Variants in GABPA observed in about 807,000 individuals in gnomAD.
The protein encoded by GABPA is GA binding protein transcription factor subunit alpha, also known as GA-binding protein alpha chain.
A neutral mutation model predicts 59.4 loss-of-function variants in GABPA; 4 were observed. That is an observed-to-expected ratio of 0.07 (90% CI 0.03 to 0.15). The LOEUF is 0.15. Ranked by LOEUF, GABPA falls within the 10% of genes least tolerant of loss-of-function variation. The pLI, the probability that GABPA is intolerant of heterozygous loss-of-function variation, is 1.00. For synonymous variants in GABPA, 164 were observed against 183.1 expected (o/e 0.90, Z 0.84); for missense variants, 251 against 543.8 (o/e 0.46, Z 5.36).
intron 6 of GABPA, among the ~76,000 whole-genome samples, chr21:25,758,905 A>T (rs1323165029): frequency 6.6e-6 from 1 of 152,154 alleles, no homozygotes; most frequent in Non-Finnish European, 1.5e-5. Context: ...CCCCATCTCC[A>T]CTAAAAATAC....
chr21:25,742,705 G>A (rs1427574766), intron 2 of GABPA, among the ~76,000 whole-genome samples: 7 of 151,488 alleles, frequency 4.6e-5, no homozygotes, highest in Non-Finnish European at 1.0e-4. Flanking sequence ...CTTGAGCCCA[G>A]GAGTTCAAGA....
rs1470907422 is a variant in GABPA, at chr21:25,771,633, A to G, written c.*2401A>G. 1 of 151,970 alleles carries G rather than the reference A, an allele frequency of 6.6e-6. No individual in the cohort carries two copies. Among genetic ancestry groups the G allele is most frequent in the Admixed American group, 6.5e-5 (1 of 15,276 alleles). The allele number at this position is 151,970 out of a possible 1,614,324, so 9.4% of individuals were successfully genotyped here. Reference sequence around the variant, plus strand: ...AACATTGTGAAAGAAAATAAAATTTATGCTATTCTTTGCTTTGTTTTTATA... The same window carrying G: ...AACATTGTGAAAGAAAATAAAATTTGTGCTATTCTTTGCTTTGTTTTTATA... On this transcript the variant is annotated 3_prime_UTR_variant, in exon 10 of 10. Coordinates refer to ENST00000400075, the MANE Select transcript of GABPA (RefSeq NM_002040.4).
In GABPA at chr21:25,770,715, T is replaced by C. The variant is rs1361228244; in HGVS notation, c.*1483T>C. The C allele has an allele frequency of 6.6e-6, 1 of 152,076 alleles. No individual in the cohort carries two copies. Among genetic ancestry groups the C allele is most frequent in the East Asian group, 1.9e-4 (1 of 5,196 alleles). 9.4% of individuals were successfully genotyped at this position (152,076 alleles called of 1,614,324 possible). A position where few individuals can be genotyped will look rare whatever the true frequency, so the allele number is the denominator to read the frequency against. On this transcript the variant is annotated 3_prime_UTR_variant, in exon 10 of 10. Coordinates refer to ENST00000400075, the MANE Select transcript of GABPA (RefSeq NM_002040.4). ...AAAAGGCATGATAATACAGGCAAGA[T>C]GGCATTGTTAGCAATTCTGGTAGTG...
intron 5 of GABPA, among the ~76,000 whole-genome samples, chr21:25,753,988 G>A (rs1283377838): frequency 6.6e-6 from 1 of 152,068 alleles, no homozygotes; most frequent in Admixed American, 6.5e-5. Context: ...GGAACTGAAA[G>A]AGAGCTATGG....
intron 1 of GABPA, among the ~76,000 whole-genome samples, chr21:25,737,522 C>G (rs896356978): frequency 9.9e-5 from 15 of 151,250 alleles, no homozygotes; most frequent in Non-Finnish European, 1.5e-5. Context: ...TGTTTTTTCT[C>G]TATTTGGCAC....
intron 5 of GABPA, among the ~76,000 whole-genome samples, chr21:25,753,694 A>G (rs1170521684): frequency 1.3e-5 from 2 of 152,208 alleles, no homozygotes; most frequent in African/African-American, 4.8e-5. Flanking sequence ...TAAGAAATAG[A>G]TATCTTAGAA....
chr21:25,755,466 G>C (rs1229066683), intron 5 of GABPA, among the ~76,000 whole-genome samples: 1 of 148,240 alleles, frequency 6.7e-6, no homozygotes, highest in Non-Finnish European at 1.5e-5. Context: ...GCAAAGAAAA[G>C]AGTTTCAAAC....
rs908525781 is a variant in GABPA at position 25,771,785 on chromosome 21, T to G, written c.*2553T>G. On this transcript the variant is annotated 3_prime_UTR_variant, in exon 10 of 10. Coordinates refer to ENST00000400075, the MANE Select transcript of GABPA (RefSeq NM_002040.4). ...TGTTCATTTTTGTTTTAAAATTTGT[T>G]TTCCATGTGAAGTTTTTATTGAGCC... The G allele has an allele frequency of 3.3e-5, 5 of 152,074 alleles. No individual in the cohort carries two copies. Among genetic ancestry groups the G allele is most frequent in the Non-Finnish European group, 5.9e-5 (4 of 67,894 alleles). 9.4% of individuals were successfully genotyped at this position (152,074 alleles called of 1,614,324 possible).
Position 25,768,960 on chromosome 21 carries a change from C to CTTAT in GABPA, c.1137-43_1137-42insTATT, listed in dbSNP as rs768621220. The CTTAT allele has an allele frequency of 1.5e-5, 7 of 482,604 alleles. No individual in the cohort carries two copies. The African/African-American group carries it at 2.7e-4, about 18-fold the overall frequency. 29.9% of individuals were successfully genotyped at this position (482,604 alleles called of 1,614,324 possible). A position where few individuals can be genotyped will look rare whatever the true frequency, so the allele number is the denominator to read the frequency against. ...TAGTCTGTAAATTATTGTAAGAAGT[C>CTTAT]TCATTTTTTCTGAAGTCTCTAATTT... is the stretch of plus-strand genomic sequence containing the variant. On this transcript the variant is annotated intron_variant, in intron 9 of 9. Coordinates refer to ENST00000400075, the MANE Select transcript of GABPA (RefSeq NM_002040.4).
intron 2 of GABPA, among the ~76,000 whole-genome samples, chr21:25,742,759 CA>C (rs33986584): frequency 0.69 from 97,779 of 142,422 alleles, 35,556 homozygotes; most frequent in Non-Finnish European, 0.82. Context: ...ACAAAACATA[CA>C]AAAAAAAAAA....
chr21:25,749,610 T>A (rs1359365848), intron 4 of GABPA, among the ~76,000 whole-genome samples: 3 of 152,198 alleles, frequency 2.0e-5, no homozygotes, highest in Non-Finnish European at 4.4e-5. Context: ...GGTGGGCAGA[T>A]CATTTGAGGT....
At chr21:25,763,483 T>C (rs1276303908) in intron 7 of GABPA, 1 of 167,978 alleles carries the variant, frequency 6.0e-6, no homozygotes, top group African/African-American at 2.4e-5. Context: ...ATACCTGTTG[T>C]AGGTTTCATT....
rs1160172774 is a variant in GABPA at position 25,770,734 on chromosome 21, G to A, written c.*1502G>A. On this transcript the variant is annotated 3_prime_UTR_variant, in exon 10 of 10. Coordinates refer to ENST00000400075, the MANE Select transcript of GABPA (RefSeq NM_002040.4). ...GCAAGATGGCATTGTTAGCAATTCT[G>A]GTAGTGGTTTGGAATGAATCCTAAG... The A allele has an allele frequency of 6.6e-6, 1 of 152,056 alleles. No homozygotes were observed. Among genetic ancestry groups the A allele is most frequent in the Non-Finnish European group, 1.5e-5 (1 of 67,938 alleles). 9.4% of individuals were successfully genotyped at this position (152,056 alleles called of 1,614,324 possible).
intron 1 of GABPA, among the ~76,000 whole-genome samples, chr21:25,737,598 T>C (rs2035113003): frequency 6.6e-6 from 1 of 152,226 alleles, no homozygotes; most frequent in Admixed American, 6.5e-5. Flanking sequence ...AGCAACTTCC[T>C]ATTTTAGTGT....
rs771042868 is a variant in GABPA, at chr21:25,741,590, ACTC to A, written c.-7_-5del. ...TCTTGCAGGACTGATCCTTTGAAAT[ACTC>A]CAGCCATGACTAAAAGAGAAGCAGA... On this transcript the variant is annotated 5_prime_UTR_variant, in exon 2 of 10. Coordinates refer to ENST00000400075, the MANE Select transcript of GABPA (RefSeq NM_002040.4). 1.6e-5 allele frequency: 25 copies of A among 1,595,324 alleles called. No homozygotes were observed. In the East Asian group the frequency reaches 5.6e-4, roughly 36 times the overall value.
chr21:25,748,632 TATGAC>T, intron 3 of GABPA, among the ~76,000 whole-genome samples: 1 of 152,320 alleles, frequency 6.6e-6, no homozygotes, highest in Non-Finnish European at 1.5e-5. Context: ...ACAAGGCAGA[TATGAC>T]AAGAATATGT....
intron 9 of GABPA, among the ~76,000 whole-genome samples, chr21:25,766,044 C>T (rs1266939874): frequency 6.6e-6 from 1 of 151,892 alleles, no homozygotes. Context: ...TCTAAAGTTA[C>T]AGTAATAAGA....
chr21:25,764,518 C>T (rs772133217), intron 8 of GABPA, 77 bp from the exon 9 acceptor site: 75 of 1,468,032 alleles, frequency 5.1e-5, no homozygotes, highest in East Asian at 3.4e-4. Flanking sequence ...ATTTAAACCA[C>T]GGGACCAGTT....
At chr21:25,763,482 G>A (rs1034124675) in intron 7 of GABPA, 6 of 167,486 alleles carry the variant, frequency 3.6e-5, no homozygotes, top group South Asian at 1.5e-4. Context: ...TATACCTGTT[G>A]TAGGTTTCAT....
Sources: allele counts gnomAD v4.1 joint callset (sites outside exome capture counted in the v4.1 genomes callset), GRCh38; gene constraint gnomAD v4.1.1; transcripts MANE v1.5; gene names NCBI Gene and HGNC (gene_info 2026-07-23, HGNC 2026-07-21).